The following KCNE1 variants were observed in gnomAD, a reference collection of about 807,000 sequenced individuals.
KCNE1 encodes the protein potassium voltage-gated channel subfamily E regulatory subunit 1.
Under a neutral mutation model 2.9 loss-of-function variants are expected in KCNE1, and 1 was observed. The observed-to-expected ratio is 0.34, with a 90% CI of 0.12 to 1.62. The LOEUF is 1.62. Ranked by LOEUF, KCNE1 falls within the 40% of genes most tolerant of loss-of-function variation. KCNE1 has a pLI of 0.36. For synonymous variants in KCNE1, 23 were observed against 65.4 expected (o/e 0.35, Z 3.13); for missense variants, 45 against 150.5 (o/e 0.30, Z 3.67).
Position 34,503,240 on chromosome 21 carries a change from T to C in KCNE1, c.-162+7861A>G, listed in dbSNP as rs376301815. ...TAATTTGTTAGAGCAGCTCACAGAA[T>C]TCAGGGAAACACTTTGCTTATGTTT... On this transcript the variant is annotated intron_variant, in intron 2 of 3. Coordinates refer to ENST00000399286, the MANE Select transcript of KCNE1 (RefSeq NM_000219.6). Among the ~76,000 whole-genome samples the C allele has an allele frequency of 7.2e-5, 11 of 152,284 alleles. No homozygotes were observed. In the East Asian group the frequency reaches 1.5e-3, roughly 21 times the overall value.
chr21:34,508,967 G>A (rs955199856), intron 2 of KCNE1, among the ~76,000 whole-genome samples: 2 of 152,218 alleles, frequency 1.3e-5, no homozygotes, highest in African/African-American at 4.8e-5. Context: ...AAATGTAGTG[G>A]TATAAAACAA....
intron 2 of KCNE1, among the ~76,000 whole-genome samples, chr21:34,496,970 A>C (rs1372682197): frequency 6.6e-6 from 1 of 152,170 alleles, no homozygotes; most frequent in African/African-American, 2.4e-5. Context: ...GTCTGATATA[A>C]GAATAGCTAC....
At chr21:34,501,759 C>A (rs912934344) in intron 2 of KCNE1, among the ~76,000 whole-genome samples, 3 of 152,188 alleles carry the variant, frequency 2.0e-5, no homozygotes, top group Non-Finnish European at 2.9e-5. Context: ...AGCCCAGACA[C>A]AAGAACCCAG....
chr21:34,511,003 T>G, intron 2 of KCNE1, 98 bp downstream of exon 2: 2 of 314,366 alleles, frequency 6.4e-6, no homozygotes, highest in Non-Finnish European at 9.2e-6. Context: ...TGTCAATGGA[T>G]GAGCGCCTCT....
At chr21:34,496,509 C>T (rs1226152081) in intron 2 of KCNE1, among the ~76,000 whole-genome samples, 2 of 152,142 alleles carry the variant, frequency 1.3e-5, no homozygotes, top group Non-Finnish European at 2.9e-5. Context: ...TTTTATTCCA[C>T]ACGGTCTGAA....
At chr21:34,508,122 G>A (rs1983611147) in intron 2 of KCNE1, among the ~76,000 whole-genome samples, 1 of 151,606 alleles carries the variant, frequency 6.6e-6, no homozygotes, top group Non-Finnish European at 1.5e-5. Context: ...TGCCTCCTGG[G>A]CTCAAGCAAT....
chr21:34,499,806 T>G (rs1159247176), intron 2 of KCNE1, among the ~76,000 whole-genome samples: 2 of 152,190 alleles, frequency 1.3e-5, no homozygotes, highest in African/African-American at 4.8e-5. Context: ...GGTGTGCCAC[T>G]TCTTTAAAAG....
rs1374398358 is a variant in KCNE1 at position 34,446,812 on chromosome 21, C to G, written c.*2433G>C. The G allele has an allele frequency of 3.9e-5, 3 of 76,176 alleles. 1 individual carries two copies. The highest frequency in any genetic ancestry group is 1.3e-4 in the Admixed American group (1 of 7,748). The allele number at this position is 76,176 out of a possible 1,614,324, so 4.7% of individuals were successfully genotyped here. A position where few individuals can be genotyped will look rare whatever the true frequency, so the allele number is the denominator to read the frequency against. On this transcript the variant is annotated 3_prime_UTR_variant, in exon 4 of 4. Coordinates refer to ENST00000399286, the MANE Select transcript of KCNE1 (RefSeq NM_000219.6). ...TAATTGAGATTCTATTTTTAAGAAG[C>G]TTAGAACAGTACATGGTGCATAGCA...
chr21:34,495,511 T>G (rs1555849584), intron 2 of KCNE1, among the ~76,000 whole-genome samples: 1 of 73,190 alleles, frequency 1.4e-5, no homozygotes, highest in Non-Finnish European at 2.7e-5. Context: ...GGTCCTGGAC[T>G]TTTTTTTTTG....
chr21:34,505,323 T>C (rs558018666), intron 2 of KCNE1, among the ~76,000 whole-genome samples: 5 of 152,222 alleles, frequency 3.3e-5, no homozygotes, highest in African/African-American at 1.2e-4. Context: ...TTAGTAGAGA[T>C]GGGGTTTCAC....
chr21:34,509,910 T>G (rs914546015), intron 2 of KCNE1: 3 of 152,144 alleles, frequency 2.0e-5, no homozygotes, highest in African/African-American at 7.2e-5. Context: ...CTCTTTCTCC[T>G]CCCACCCTCC....
rs553943037 is a variant in KCNE1 at position 34,501,545 on chromosome 21, C to T, written c.-162+9556G>A. On this transcript the variant is annotated intron_variant, in intron 2 of 3. Transcript: ENST00000399286. ...TGTCTGATAAAGAGTATGATATCATCCCTATTGGTTTTAGGACCTAGAAAT... is the reference window on the plus strand; with the variant it reads ...TGTCTGATAAAGAGTATGATATCATTCCTATTGGTTTTAGGACCTAGAAAT... Among the ~76,000 whole-genome samples the T allele has an allele frequency of 9.2e-5, 14 of 152,248 alleles. No individual in the cohort carries two copies. The South Asian group carries it at 2.3e-3, about 25-fold the overall frequency.
chr21:34,503,587 G>T (rs994172759), intron 2 of KCNE1, among the ~76,000 whole-genome samples: 1 of 152,134 alleles, frequency 6.6e-6, no homozygotes, highest in Non-Finnish European at 1.5e-5. Flanking sequence ...GTCTATGGAC[G>T]ACCAGTTCCC....
chr21:34,504,522 C>T (rs1346530179), intron 2 of KCNE1, among the ~76,000 whole-genome samples: 1 of 152,186 alleles, frequency 6.6e-6, no homozygotes, highest in African/African-American at 2.4e-5. Context: ...AAATGTTAAA[C>T]ACAGAGCTAT....
rs1483925600 is a variant in KCNE1 at position 34,511,258 on chromosome 21, G to A, written c.-319C>T. 4 of 985,422 alleles carry A rather than the reference G, an allele frequency of 4.1e-6. No homozygotes were observed. Among genetic ancestry groups the A allele is most frequent in the Non-Finnish European group, 3.6e-6 (3 of 830,036 alleles). The allele number at this position is 985,422 out of a possible 1,614,324, so 61.0% of individuals were successfully genotyped here. A position where few individuals can be genotyped will look rare whatever the true frequency, so the allele number is the denominator to read the frequency against. Reference sequence around the variant, plus strand: ...GCACGGTTCTCCTGGTTGAGCTCCAGGCCATGCCATTCAACGCCCTCCAGG... The same window carrying A: ...GCACGGTTCTCCTGGTTGAGCTCCAAGCCATGCCATTCAACGCCCTCCAGG... On this transcript the variant is annotated 5_prime_UTR_variant, in exon 2 of 4. Transcript: ENST00000399286.
chr21:34,506,997 C>T (rs41315465), intron 2 of KCNE1, among the ~76,000 whole-genome samples: 31 of 152,334 alleles, frequency 2.0e-4, no homozygotes, highest in East Asian at 1.2e-3. Flanking sequence ...GAACTGCAGA[C>T]GCCCTGTCAT....
chr21:34,499,317 C>T (rs1360878039), intron 2 of KCNE1, among the ~76,000 whole-genome samples: 1 of 152,238 alleles, frequency 6.6e-6, no homozygotes, highest in African/African-American at 2.4e-5. Flanking sequence ...ATAAGCTTCC[C>T]TGCTGAGAAA....
chr21:34,502,854 C>G (rs759994362), intron 2 of KCNE1, among the ~76,000 whole-genome samples: 2 of 152,240 alleles, frequency 1.3e-5, no homozygotes, highest in Non-Finnish European at 2.9e-5. Flanking sequence ...TTAAGCATGG[C>G]TTTAGAGTCT....
chr21:34,495,786 C>T (rs528025402), intron 2 of KCNE1, among the ~76,000 whole-genome samples: 3 of 152,040 alleles, frequency 2.0e-5, no homozygotes, highest in Non-Finnish European at 4.4e-5. Context: ...TGGTTAATCT[C>T]GCTAATGGTC....
Sources: gnomAD v4.1 joint callset for allele counts (sites outside exome capture counted in the v4.1 genomes callset) on GRCh38, gnomAD v4.1.1 for gene constraint, MANE v1.5 for transcripts, NCBI Gene and HGNC (gene_info 2026-07-23, HGNC 2026-07-21) for gene names.